The following THRA variants were observed in gnomAD, a reference collection of about 807,000 sequenced individuals.
The protein encoded by THRA is thyroid hormone receptor alpha.
A neutral mutation model predicts 45.0 loss-of-function variants in THRA; 13 were observed. The ratio of observed to expected loss-of-function variants is 0.29; its 90% CI spans 0.19 to 0.46. THRA has a LOEUF of 0.46. Among genes scored for constraint, THRA ranks in the 20% least tolerant of loss-of-function variants. The pLI is 1.00. For synonymous variants in THRA, 195 were observed against 214.0 expected (o/e 0.91, Z 0.78); for missense variants, 278 against 556.1 (o/e 0.50, Z 5.03).
In THRA at chr17:40,074,208, C is replaced by T; in HGVS notation, c.-281C>T. 2.1e-6 allele frequency: 1 copy of T among 479,026 alleles called. No individual in the cohort carries two copies. 29.7% of individuals were successfully genotyped at this position (479,026 alleles called of 1,614,324 possible). A position where few individuals can be genotyped will look rare whatever the true frequency, so the allele number is the denominator to read the frequency against. On this transcript the variant is annotated 5_prime_UTR_variant, in exon 2 of 9. Transcript: ENST00000450525. ...TCTCCACAGGGATCTCTGGACAGGACAAGACTCCGAAGCTACTCCCCCAGC... is the reference window on the plus strand; with the variant it reads ...TCTCCACAGGGATCTCTGGACAGGATAAGACTCCGAAGCTACTCCCCCAGC...
intron 6 of THRA, 103 bp downstream of exon 6, chr17:40,084,918 A>G (rs1186439025): frequency 2.4e-6 from 3 of 1,253,652 alleles, no homozygotes; most frequent in Non-Finnish European, 3.4e-6. Context: ...AGTGTAATCC[A>G]ACCCAAAATA....
chr17:40,088,612 CTG>C, intron 8 of THRA, 112 bp downstream of exon 8: 1 of 1,369,562 alleles, frequency 7.3e-7, no homozygotes, highest in South Asian at 1.4e-5. Context: ...GGCTACCTCT[CTG>C]TCACCTGGGC....
chr17:40,072,678 C>T (rs913595001), intron 1 of THRA, among the ~76,000 whole-genome samples: 29 of 152,202 alleles, frequency 1.9e-4, no homozygotes, highest in Admixed American at 1.9e-3. Context: ...ACCCCCGTAG[C>T]GGCCCTCGCC....
intron 3 of THRA, 84 bp downstream of exon 3, chr17:40,077,022 C>T: frequency 4.3e-6 from 6 of 1,405,948 alleles, no homozygotes. Context: ...GGATGTGGAA[C>T]AGTAATTCAT....
At chr17:40,072,620 G>A (rs1161864200) in intron 1 of THRA, among the ~76,000 whole-genome samples, 1 of 152,108 alleles carries the variant, frequency 6.6e-6, no homozygotes, top group Non-Finnish European at 1.5e-5. Context: ...CATGCAGGCA[G>A]CCTCGCTGGA....
At chr17:40,078,727 CTTTTTTTTTTTTTTT>C (rs746350223) in intron 4 of THRA, among the ~76,000 whole-genome samples, 1 of 102,612 alleles carries the variant, frequency 9.7e-6, no homozygotes, top group Non-Finnish European at 1.9e-5. Context: ...CAGCCTTCAT[CTTTTTTTTTTTTTTT>C]TTTTTTTGAG....
chr17:40,073,469 G>C (rs559902402), intron 1 of THRA, among the ~76,000 whole-genome samples: 1 of 152,266 alleles, frequency 6.6e-6, no homozygotes, highest in South Asian at 2.1e-4. Flanking sequence ...TCTTTGGAGG[G>C]TACAGATTCT....
In THRA at chr17:40,091,754, G is replaced by T; in HGVS notation, c.*2298G>T. On this transcript the variant is annotated 3_prime_UTR_variant, in exon 9 of 9. Transcript: ENST00000450525. ...CCTCCCTTCCCCCTCGGTGATGTGG[G>T]GTGTATGTGTGCGTTCCTCTGCGTG... The T allele has an allele frequency of 6.6e-6, 1 of 152,472 alleles. No homozygotes were observed. 9.4% of individuals were successfully genotyped at this position (152,472 alleles called of 1,614,324 possible). A position where few individuals can be genotyped will look rare whatever the true frequency, so the allele number is the denominator to read the frequency against.
chr17:40,089,244 A>G lies in THRA; in HGVS notation c.1021A>G (p.Ser341Gly). 1 of 1,613,948 alleles carries G rather than the reference A, an allele frequency of 6.2e-7. No homozygotes were observed. Residue 341 changes from serine (S) to glycine (G), a missense_variant, in exon 9 of 9, where the codon AGT becomes GGT. Around this residue, in one of 6 missense-constraint regions of THRA, gnomAD observed 66 missense variants for 94.7 expected, o/e 0.70. Coordinates refer to ENST00000450525, the MANE Select transcript of THRA (RefSeq NM_199334.5). The surrounding 1 kb of genome is among the most constrained non-coding windows in gnomAD (Gnocchi z 6.1). ...GCTGTGTGTGGACAAGATCGAGAAGAGTCAGGAGGCGTACCTGCTGGCGTT... is the reference window on the plus strand; with the variant it reads ...GCTGTGTGTGGACAAGATCGAGAAGGGTCAGGAGGCGTACCTGCTGGCGTT... ...GLLCVDKIEK[S>G]QEAYLLAFEH...
At chr17:40,093,409 G>A, downstream of THRA, 1 of 1,598,220 alleles carries the variant, frequency 6.3e-7, no homozygotes, top group East Asian at 2.2e-5. This position sits in a 1 kb window ranked among gnomAD's most constrained non-coding sequence, Gnocchi z 5.9. Flanking sequence ...GATGGGGAAG[G>A]AGAAGGAGTG....
chr17:40,083,211 G>A (rs1987208528), intron 4 of THRA, among the ~76,000 whole-genome samples: 2 of 152,024 alleles, frequency 1.3e-5, no homozygotes, highest in African/African-American at 4.8e-5. Context: ...ACAGGCATAA[G>A]CCACCGCGCC....
At chr17:40,069,245 T>TCCTATTCCCTCCCTCCTC (rs1314012599) in intron 1 of THRA, among the ~76,000 whole-genome samples, 1 of 146,524 alleles carries the variant, frequency 6.8e-6, no homozygotes. Context: ...CCTCCCTCCT[T>TCCTATTCCCTCCCTCCTC]CCTATTCCCT....
chr17:40,076,764 C>A, intron 2 of THRA, 107 bp from the exon 3 acceptor site: 3 of 1,195,572 alleles, frequency 2.5e-6, no homozygotes, highest in Non-Finnish European at 3.6e-6. Flanking sequence ...AGAATGAGGA[C>A]ACAAAATGGA....
Position 40,090,013 on chromosome 17 carries a change from C to A in THRA, c.*557C>A. ...TTGGAAACCAAGCAAGGGGAGAAGA[C>A]AAATGAAGAAAAACTAGACAGAGAG... On this transcript the variant is annotated 3_prime_UTR_variant, in exon 9 of 9. Transcript: ENST00000450525. 1.0e-6 allele frequency: 1 copy of A among 987,808 alleles called. No individual in the cohort carries two copies. The highest frequency in any genetic ancestry group is 1.1e-4 in the East Asian group (1 of 8,952). The allele number at this position is 987,808 out of a possible 1,614,324, so 61.2% of individuals were successfully genotyped here.
In THRA at chr17:40,076,622, G is replaced by A. The variant is rs147513470; in HGVS notation, c.54-249G>A. Among the ~76,000 whole-genome samples the A allele has an allele frequency of 2.6e-5, 4 of 152,248 alleles. No individual in the cohort carries two copies. In the East Asian group the frequency reaches 5.8e-4, roughly 22 times the overall value. On this transcript the variant is annotated intron_variant, in intron 2 of 8. Transcript: ENST00000450525. ...TTATGGGTGCTTCAGGTCTTCTGGC[G>A]GGTGAATGTGTGTGTGTTGGGGCTC...
In THRA at chr17:40,091,425, C is replaced by CG. The variant is rs1388948330; in HGVS notation, c.*1972dup. The stretch of plus-strand genomic sequence containing the variant: ...TGCCTGTCCCACCCTGCTGGGGCCT[C>CG]GGGCTGCCCGCGCTGTCTTTGTCTC... On this transcript the variant is annotated 3_prime_UTR_variant, in exon 9 of 9. Transcript: ENST00000450525. 6.5e-6 allele frequency: 1 copy of CG among 153,058 alleles called. No individual in the cohort carries two copies. The highest frequency in any genetic ancestry group is 1.5e-5 in the Non-Finnish European group (1 of 68,758). The allele number at this position is 153,058 out of a possible 1,614,324, so 9.5% of individuals were successfully genotyped here. A position where few individuals can be genotyped will look rare whatever the true frequency, so the allele number is the denominator to read the frequency against.
chr17:40,084,302 A>G, intron 5 of THRA: 1 of 502,740 alleles, frequency 2.0e-6, no homozygotes, highest in South Asian at 2.4e-5. Flanking sequence ...CCACTTCTAG[A>G]TGAGACAGGG....
chr17:40,062,799 C>CA (rs1358619159), upstream of THRA: 2 of 55,312 alleles, frequency 3.6e-5, no homozygotes, highest in Admixed American at 1.8e-4. Flanking sequence ...GGGGCGGGGG[C>CA]GGGCGGCGGC....
rs2145095666 is a variant in THRA, at chr17:40,092,747, T to G, written c.*3291T>G. The G allele has an allele frequency of 7.0e-5, 15 of 213,490 alleles. No individual in the cohort carries two copies. Among genetic ancestry groups the G allele is most frequent in the East Asian group, 2.2e-4 (2 of 9,256 alleles). 13.2% of individuals were successfully genotyped at this position (213,490 alleles called of 1,614,324 possible). A position where few individuals can be genotyped will look rare whatever the true frequency, so the allele number is the denominator to read the frequency against. ...AGGTGGCCCCCCCCAGCCTTGGCAG[T>G]ATTTCCACCCCACCCCCCAAACGAG... On this transcript the variant is annotated 3_prime_UTR_variant, in exon 9 of 9. Coordinates refer to ENST00000450525, the MANE Select transcript of THRA (RefSeq NM_199334.5).
Sources: allele counts gnomAD v4.1 joint callset (sites outside exome capture counted in the v4.1 genomes callset), GRCh38; gene constraint gnomAD v4.1.1; regional missense constraint gnomAD v4.1.1; non-coding constraint Gnocchi (gnomAD v3.1); transcripts MANE v1.5; gene names NCBI Gene and HGNC (gene_info 2026-07-23, HGNC 2026-07-21).